ZNF423: variants seen among roughly 807,000 people sequenced by gnomAD.
The protein encoded by ZNF423 is zinc finger protein 423.
A neutral mutation model predicts 95.8 loss-of-function variants in ZNF423; 12 were observed. That is an observed-to-expected ratio of 0.13 (90% CI 0.08 to 0.20). ZNF423 has a LOEUF of 0.20. Ranked by LOEUF, ZNF423 falls within the 10% of genes least tolerant of loss-of-function variation. The probability of loss-of-function intolerance (pLI) is 1.00; values close to 1 mark genes in which losing one functional copy is unlikely to be tolerated. For missense variants in ZNF423, 1,316 were observed against 1,737.1 expected, an observed-to-expected ratio of 0.76 and a Z score of 4.31; for synonymous variants, 749 against 711.9, an observed-to-expected ratio of 1.05 and a Z score of -0.83.
intron 5 of ZNF423, among the ~76,000 whole-genome samples, chr16:49,555,390 C>T (rs1235950441): frequency 6.6e-6 from 1 of 152,224 alleles, no homozygotes; most frequent in Non-Finnish European, 1.5e-5. Flanking sequence ...CCTTACCATG[C>T]CAGGCACTGT....
chr16:49,798,890 T>C (rs2034539559), intron 1 of ZNF423, among the ~76,000 whole-genome samples: 1 of 152,192 alleles, frequency 6.6e-6, no homozygotes, highest in Admixed American at 6.5e-5. Flanking sequence ...TCTCCTTGCC[T>C]TGCTATATAT....
chr16:49,701,526 G>C (rs974228036), intron 3 of ZNF423, among the ~76,000 whole-genome samples: 1 of 152,072 alleles, frequency 6.6e-6, no homozygotes, highest in Admixed American at 6.6e-5. Context: ...GACCCCAAAC[G>C]GTTAATGATA....
chr16:49,522,323 A>G (rs1307016509), intron 7 of ZNF423, among the ~76,000 whole-genome samples: 1 of 152,094 alleles, frequency 6.6e-6, no homozygotes, highest in Non-Finnish European at 1.5e-5. Context: ...GGCGTGCATC[A>G]TTTCCGAGGG....
In ZNF423 at chr16:49,525,387, A is replaced by G; in HGVS notation, c.3709T>C (p.Phe1237Leu). Residue 1237 changes from phenylalanine to leucine, a missense_variant, in exon 6 of 8, where the codon TTC becomes CTC. This residue lies in a region of ZNF423 where 75 missense variants were observed against 163.5 expected (regional missense o/e 0.46). Coordinates refer to ENST00000563137, the MANE Select transcript of ZNF423 (RefSeq NM_001379286.1). The stretch of plus-strand genomic sequence containing the variant: ...CCTGTGAAACACACGGGGCATTTGA[A>G]GGTGCCGCCCATGCCCTCGAAGCTG... Reference protein sequence around the residue: ...EHSFEGMGGTFKCPVCFTVFV... With the variant: ...EHSFEGMGGTLKCPVCFTVFV... The G allele has an allele frequency of 6.2e-7, 1 of 1,614,054 alleles. No individual in the cohort carries two copies.
At chr16:49,607,682 C>T (rs1006586608) in intron 5 of ZNF423, among the ~76,000 whole-genome samples, 1 of 152,224 alleles carries the variant, frequency 6.6e-6, no homozygotes, top group Non-Finnish European at 1.5e-5. Flanking sequence ...ACTGTTAAGT[C>T]CAGAAATATG....
intron 5 of ZNF423, among the ~76,000 whole-genome samples, chr16:49,529,808 G>A (rs1236315197): frequency 6.6e-6 from 1 of 152,142 alleles, no homozygotes; most frequent in Non-Finnish European, 1.5e-5. Context: ...CTGCAGCGGG[G>A]TGTGGACGGG....
At chr16:49,643,401 T>A (rs918553754) in intron 3 of ZNF423, among the ~76,000 whole-genome samples, 2 of 152,210 alleles carry the variant, frequency 1.3e-5, no homozygotes, top group Non-Finnish European at 2.9e-5. Context: ...AGTTAGGGAC[T>A]GTTATAATTT....
chr16:49,626,088 G>T, intron 5 of ZNF423, 82 bp downstream of exon 5: 1 of 1,374,860 alleles, frequency 7.3e-7, no homozygotes, highest in Non-Finnish European at 1.0e-6. Context: ...TGGCCTAAAA[G>T]CCAGTAAAAT....
At chr16:49,673,739 C>T (rs369623320) in intron 3 of ZNF423, among the ~76,000 whole-genome samples, 31 of 152,352 alleles carry the variant, frequency 2.0e-4, no homozygotes, top group African/African-American at 6.3e-4. Flanking sequence ...GGCTACAAAC[C>T]GCCATCTGGT....
At chr16:49,677,341 G>A (rs2031146120) in intron 3 of ZNF423, among the ~76,000 whole-genome samples, 2 of 39,228 alleles carry the variant, frequency 5.1e-5, no homozygotes, top group African/African-American at 1.0e-4. Flanking sequence ...GGGAGGGGAG[G>A]GGAGGAGGGG....
At chr16:49,730,546 G>A (rs181173685) in intron 3 of ZNF423, 64 of 582,872 alleles carry the variant, frequency 1.1e-4, no homozygotes, top group African/African-American at 3.7e-4. Context: ...AGAGGGGGCC[G>A]GGACAGAGCA....
chr16:49,671,116 A>G (rs1596826229), intron 3 of ZNF423, among the ~76,000 whole-genome samples: 1 of 152,208 alleles, frequency 6.6e-6, no homozygotes, highest in Non-Finnish European at 1.5e-5. Flanking sequence ...TTCAGCGCCA[A>G]CAGGATTCCC....
intron 5 of ZNF423, among the ~76,000 whole-genome samples, chr16:49,569,939 G>C (rs1970305801): frequency 6.6e-6 from 1 of 152,210 alleles, no homozygotes; most frequent in Non-Finnish European, 1.5e-5. Flanking sequence ...AGGGGCGTAA[G>C]CAACTTGCCC....
intron 7 of ZNF423, among the ~76,000 whole-genome samples, chr16:49,510,992 G>A (rs577366794): frequency 2.6e-5 from 4 of 152,346 alleles, no homozygotes; most frequent in Non-Finnish European, 4.4e-5. Context: ...ACGGGCAGCC[G>A]GAGGCTGATT....
rs752832632 is a variant in ZNF423, at chr16:49,638,744, C to A, written c.432G>T (p.Leu144=). The change falls in exon 4 of 8, where the codon CTG becomes CTT. Residue 144 remains leucine (L), a synonymous_variant. Coordinates refer to ENST00000563137, the MANE Select transcript of ZNF423 (RefSeq NM_001379286.1). The surrounding 1 kb of genome is among the most constrained non-coding windows in gnomAD (Gnocchi z 5.6). ...TGTCGCAGAACTGGCAAGGGTATGG[C>A]AGGCCCGTGCCCCCTTCCTCCTCGC... ...GLGEEEGGTG[L]PYPCQFCDKS... is the part of the protein sequence containing the mutation. 21 of 1,614,156 alleles carry A rather than the reference C, an allele frequency of 1.3e-5. No homozygotes were observed. The East Asian group carries it at 4.7e-4, about 36-fold the overall frequency.
chr16:49,804,891 CT>C (rs754687457), intron 1 of ZNF423, among the ~76,000 whole-genome samples: 22,993 of 95,628 alleles, frequency 0.24, 1,113 homozygotes, highest in Non-Finnish European at 0.27. Context: ...GATCCCACAG[CT>C]TTTTTTTTTT....
At chr16:49,628,093 A>AC (rs1442806891) in intron 4 of ZNF423, among the ~76,000 whole-genome samples, 1 of 145,202 alleles carries the variant, frequency 6.9e-6, no homozygotes, top group Admixed American at 6.8e-5. Context: ...CTATCCATCC[A>AC]CCCTCCATCT....
At chr16:49,835,415 C>T (rs527909916) in intron 1 of ZNF423, among the ~76,000 whole-genome samples, 4 of 152,342 alleles carry the variant, frequency 2.6e-5, no homozygotes, top group East Asian at 3.9e-4. Flanking sequence ...CCCACATCCC[C>T]GCAGAGGCGT....
chr16:49,725,246 A>G (rs1369823567), intron 3 of ZNF423, among the ~76,000 whole-genome samples: 2 of 152,170 alleles, frequency 1.3e-5, no homozygotes, highest in Non-Finnish European at 2.9e-5. Context: ...TGAGCCAGGT[A>G]TGGTGGGGCA....
Sources: allele counts gnomAD v4.1 joint callset (sites outside exome capture counted in the v4.1 genomes callset), GRCh38; gene constraint gnomAD v4.1.1; regional missense constraint gnomAD v4.1.1; non-coding constraint Gnocchi (gnomAD v3.1); transcripts MANE v1.5; gene names NCBI Gene and HGNC (gene_info 2026-07-23, HGNC 2026-07-21).